Variants in METRNL observed in about 807,000 individuals in gnomAD.
METRNL encodes meteorin like, glial cell differentiation regulator, also known as meteorin-like protein.
METRNL carries 9 observed loss-of-function variants against 17.4 expected under a neutral mutation model. That is an observed-to-expected ratio of 0.52 (90% CI 0.31 to 0.90). The LOEUF (loss-of-function observed/expected upper bound fraction) is 0.90. Among genes scored for constraint, METRNL ranks in the 40% least tolerant of loss-of-function variants. The probability of loss-of-function intolerance (pLI) is 0.05; values close to 1 mark genes in which losing one functional copy is unlikely to be tolerated. For missense variants in METRNL, 408 were observed against 430.7 expected, an observed-to-expected ratio of 0.95 and a Z score of 0.47; for synonymous variants, 215 against 199.3, an observed-to-expected ratio of 1.08 and a Z score of -0.66.
At position 83,094,652 on chromosome 17, in the gene METRNL, G is replaced by A. The variant is rs183725559; in HGVS notation, c.*77G>A. 97 of 1,236,686 alleles carry A rather than the reference G, an allele frequency of 7.8e-5. No individual in the cohort carries two copies. In the East Asian group the frequency reaches 1.9e-3, roughly 25 times the overall value. The allele number at this position is 1,236,686 out of a possible 1,614,324, so 76.6% of individuals were successfully genotyped here. On this transcript the variant is annotated 3_prime_UTR_variant, in exon 4 of 4. Transcript: ENST00000320095. ...CGCTGCGGTCCTGGTGGGGCCGTGCGGTGAGGGCCGCGCGCTGGGAGCCGC... is the reference window on the plus strand; with the variant it reads ...CGCTGCGGTCCTGGTGGGGCCGTGCAGTGAGGGCCGCGCGCTGGGAGCCGC...
In METRNL at chr17:83,079,718, G is replaced by A; in HGVS notation, c.-98G>A. ...GGGGGGCGCGCGACGTGACCACCCG[G>A]ACTCGAAGCCCGCCCCGCCCCCGCC... On this transcript the variant is annotated 5_prime_UTR_variant, in exon 1 of 4. Transcript: ENST00000320095. The A allele has an allele frequency of 2.3e-6, 1 of 430,494 alleles. No individual in the cohort carries two copies. Among genetic ancestry groups the A allele is most frequent in the Non-Finnish European group, 3.1e-6 (1 of 327,238 alleles). 26.7% of individuals were successfully genotyped at this position (430,494 alleles called of 1,614,324 possible). A position where few individuals can be genotyped will look rare whatever the true frequency, so the allele number is the denominator to read the frequency against.
Position 83,085,123 on chromosome 17 carries a change from T to C in METRNL, c.356T>C (p.Ile119Thr). Reference protein sequence around the residue: ...RSFTDSSGANIYLEKTGELRL... With the variant: ...RSFTDSSGANTYLEKTGELRL... ...TTCACGGACTCCTCGGGGGCCAATA[T>C]TTATTTGGAAAAAACTGGAGAACTG... is the stretch of plus-strand genomic sequence containing the variant. The change falls in exon 2 of 4, where the codon ATT becomes ACT. Residue 119 changes from isoleucine (I) to threonine (T), a missense_variant. Transcript: ENST00000320095. 6.2e-7 allele frequency: 1 copy of C among 1,613,600 alleles called. No individual in the cohort carries two copies. The highest frequency in any genetic ancestry group is 8.5e-7 in the Non-Finnish European group (1 of 1,179,968).
chr17:83,091,176 C>G (rs1196714596), intron 2 of METRNL, among the ~76,000 whole-genome samples: 1 of 152,030 alleles, frequency 6.6e-6, no homozygotes, highest in Non-Finnish European at 1.5e-5. Context: ...CTGGACCGGC[C>G]TCAAGGTGCT....
At position 83,094,176 on chromosome 17, in the gene METRNL, C is replaced by G. The variant is rs937781360; in HGVS notation, c.617-80C>G. 22 of 1,220,622 alleles carry G rather than the reference C, an allele frequency of 1.8e-5. No homozygotes were observed. In the Admixed American group the frequency reaches 5.2e-4, roughly 29 times the overall value. 75.6% of individuals were successfully genotyped at this position (1,220,622 alleles called of 1,614,324 possible). A position where few individuals can be genotyped will look rare whatever the true frequency, so the allele number is the denominator to read the frequency against. On this transcript the variant is annotated intron_variant, in intron 3 of 3. Coordinates refer to ENST00000320095, the MANE Select transcript of METRNL (RefSeq NM_001004431.3). The stretch of plus-strand genomic sequence containing the variant: ...CTGCCCGTTCCAGTGCCCATCGATG[C>G]GGGGGCAGGGGGAGGTGCGGTGGTC...
intron 2 of METRNL, among the ~76,000 whole-genome samples, chr17:83,089,945 G>C (rs2038098562): frequency 6.6e-6 from 1 of 151,868 alleles, no homozygotes; most frequent in South Asian, 2.1e-4. Context: ...AGCCGGGTGA[G>C]CCAGGGCGGG....
intron 1 of METRNL, chr17:83,084,238 G>A (rs2038022148): frequency 6.6e-6 from 1 of 152,234 alleles, no homozygotes; most frequent in African/African-American, 2.4e-5. Flanking sequence ...AAACGGTCAA[G>A]TCATTACTTT....
chr17:83,094,489 T>C lies in METRNL; in HGVS notation c.850T>C (p.Cys284Arg). The C allele has an allele frequency of 1.3e-6, 2 of 1,575,056 alleles. No homozygotes were observed. The highest frequency in any genetic ancestry group is 1.7e-6 in the Non-Finnish European group (2 of 1,153,822). Residue 284 changes from cysteine to arginine, a missense_variant, in exon 4 of 4, where the codon TGT becomes CGT. By Grantham distance (180) the Cys-to-Arg change is radical. Coordinates refer to ENST00000320095, the MANE Select transcript of METRNL (RefSeq NM_001004431.3). ...GCACTTCGGGGAGGCGCGGCTCGGCTGTGCCCCACGCTTCAAGGACTTCCA... is the reference window on the plus strand; with the variant it reads ...GCACTTCGGGGAGGCGCGGCTCGGCCGTGCCCCACGCTTCAAGGACTTCCA... ...HMHFGEARLG[C>R]APRFKDFQRM...
At chr17:83,082,027 G>T (rs757515617) in intron 1 of METRNL, 56 of 962,866 alleles carry the variant, frequency 5.8e-5, no homozygotes, top group Non-Finnish European at 6.7e-5. Context: ...CATGACACTG[G>T]CCACTGCATC....
chr17:83,081,461 GC>G (rs1409254013), intron 1 of METRNL, among the ~76,000 whole-genome samples: 4 of 152,160 alleles, frequency 2.6e-5, no homozygotes, highest in Non-Finnish European at 5.9e-5. Context: ...GCCTCCCGGA[GC>G]CCGAAGGGAG....
Position 83,085,249 on chromosome 17 carries a change from T to C in METRNL, c.482T>C (p.Ile161Thr). Residue 161 changes from isoleucine (I) to threonine (T), a missense_variant, in exon 2 of 4, where the codon ATC becomes ACC. Coordinates refer to ENST00000320095, the MANE Select transcript of METRNL (RefSeq NM_001004431.3). ...GTGGAGGCCACGCCGCAGCAGGATATCGGCCGGAGGACCACAGGCTTCCAG... is the reference window on the plus strand; with the variant it reads ...GTGGAGGCCACGCCGCAGCAGGATACCGGCCGGAGGACCACAGGCTTCCAG... ...LFVEATPQQD[I>T]GRRTTGFQYE... is the part of the protein sequence containing the mutation. 1.3e-6 allele frequency: 2 copies of C among 1,576,836 alleles called. No homozygotes were observed. The highest frequency in any genetic ancestry group is 1.4e-5 in the African/African-American group (1 of 73,996).
chr17:83,081,474 G>T (rs2037987682), intron 1 of METRNL, among the ~76,000 whole-genome samples: 1 of 152,174 alleles, frequency 6.6e-6, no homozygotes. Flanking sequence ...CGAAGGGAGG[G>T]CGCGGTAGGC....
In METRNL at chr17:83,085,052, C is replaced by G. The variant is rs774571145; in HGVS notation, c.285C>G (p.Pro95=). The G allele has an allele frequency of 1.9e-6, 3 of 1,613,934 alleles. No homozygotes were observed. The highest frequency in any genetic ancestry group is 1.3e-5 in the African/African-American group (1 of 75,064). Residue 95 remains proline (P), a synonymous_variant, in exon 2 of 4, where the codon CCC becomes CCG. Coordinates refer to ENST00000320095, the MANE Select transcript of METRNL (RefSeq NM_001004431.3). ...PTGALIVNLR[P]NTFSPARHLT... is the part of the protein sequence containing the mutation. ...GTGCTCTCATCGTTAACCTGCGGCC[C>G]AACACCTTCTCGCCTGCCCGGCACC... is the stretch of plus-strand genomic sequence containing the variant.
intron 2 of METRNL, among the ~76,000 whole-genome samples, chr17:83,088,675 G>A (rs986566941): frequency 2.1e-5 from 3 of 140,860 alleles, no homozygotes; most frequent in East Asian, 2.7e-4. Flanking sequence ...CCAGGACGCC[G>A]GAGTCCTGCA....
chr17:83,088,171 G>A (rs2038074558), intron 2 of METRNL, among the ~76,000 whole-genome samples: 1 of 152,214 alleles, frequency 6.6e-6, no homozygotes, highest in Admixed American at 6.5e-5. Flanking sequence ...TCTCAGCCCT[G>A]CACCAGCCGC....
intron 3 of METRNL, among the ~76,000 whole-genome samples, chr17:83,093,791 C>A (rs1334099208): frequency 1.3e-5 from 2 of 152,148 alleles, no homozygotes; most frequent in Non-Finnish European, 2.9e-5. Context: ...CAGGCCCCGG[C>A]TCTGCACCCC....
intron 1 of METRNL, 49 bp from the exon 2 acceptor site, chr17:83,084,889 G>A (rs1048078542): frequency 1.9e-6 from 3 of 1,566,486 alleles, no homozygotes; most frequent in Non-Finnish European, 2.6e-6. Flanking sequence ...TGCGGGTGGG[G>A]TGTGTGACGG....
intron 2 of METRNL, among the ~76,000 whole-genome samples, chr17:83,088,006 A>G (rs1286635447): frequency 6.6e-6 from 1 of 152,218 alleles, no homozygotes; most frequent in East Asian, 1.9e-4. Flanking sequence ...TTCATGCTGC[A>G]TAATCGGCTT....
At position 83,079,829 on chromosome 17, in the gene METRNL, C is replaced by T; in HGVS notation, c.14C>T (p.Ala5Val). Residue 5 changes from alanine (A) to valine (V), a missense_variant, in exon 1 of 4, where the codon GCG (alanine) becomes GTG (valine). Transcript: ENST00000320095. MRGA[A>V]RAAWGRAGQP... is the part of the protein sequence containing the mutation. ...CGGCGCCAGAGCATGCGGGGCGCGGCGCGGGCGGCCTGGGGGCGCGCGGGG... is the reference window on the plus strand; with the variant it reads ...CGGCGCCAGAGCATGCGGGGCGCGGTGCGGGCGGCCTGGGGGCGCGCGGGG... The T allele has an allele frequency of 2.1e-6, 2 of 973,726 alleles. No individual in the cohort carries two copies. Among genetic ancestry groups the T allele is most frequent in the Non-Finnish European group, 2.4e-6 (2 of 824,584 alleles). 60.3% of individuals were successfully genotyped at this position (973,726 alleles called of 1,614,324 possible). A position where few individuals can be genotyped will look rare whatever the true frequency, so the allele number is the denominator to read the frequency against.
intron 2 of METRNL, among the ~76,000 whole-genome samples, chr17:83,088,097 G>C (rs2038073836): frequency 6.6e-6 from 1 of 152,208 alleles, no homozygotes; most frequent in Non-Finnish European, 1.5e-5. Context: ...GGTACACACT[G>C]GGGGCCAGGC....
Sources: gnomAD v4.1 joint callset for allele counts (sites outside exome capture counted in the v4.1 genomes callset) on GRCh38, gnomAD v4.1.1 for gene constraint, MANE v1.5 for transcripts, NCBI Gene and HGNC (gene_info 2026-07-23, HGNC 2026-07-21) for gene names.